SYNM: variants seen among roughly 807,000 people sequenced by gnomAD.
SYNM encodes desmuslin.
In SYNM, 95 loss-of-function variants were observed where a neutral mutation model predicts 104.0. The observed-to-expected ratio is 0.91, with a 90% CI of 0.77 to 1.08. The LOEUF is 1.08. Among genes scored for constraint, SYNM ranks in the 50% least tolerant of loss-of-function variants. The pLI is 0.00. For synonymous variants in SYNM, 918 were observed against 869.0 expected, an observed-to-expected ratio of 1.06 and a Z score of -0.99; for missense variants, 2,150 against 2,052.2, an observed-to-expected ratio of 1.05 and a Z score of -0.92.
Position 99,105,559 on chromosome 15 carries a change from G to A in SYNM, c.360G>A (p.Leu120=), listed in dbSNP as rs2067225713. 2.5e-6 allele frequency: 3 copies of A among 1,184,712 alleles called. No individual in the cohort carries two copies. The highest frequency in any genetic ancestry group is 3.1e-6 in the Non-Finnish European group (3 of 960,658). The allele number at this position is 1,184,712 out of a possible 1,614,324, so 73.4% of individuals were successfully genotyped here. A position where few individuals can be genotyped will look rare whatever the true frequency, so the allele number is the denominator to read the frequency against. Residue 120 remains leucine, a synonymous_variant, in exon 1 of 4, where the codon CTG becomes CTA. Transcript: ENST00000336292. ...AGCTGGGTGCGCAGCAGCGCGAGCT[G>A]CAGGAGGCGCTGGGCGCGCGCGCCG... ...DAELGAQQRE[L]QEALGARAAL... is the part of the protein sequence containing the mutation.
At chr15:99,108,274 A>AT (rs34993660) in intron 1 of SYNM, among the ~76,000 whole-genome samples, 5,666 of 149,196 alleles carry the variant, frequency 0.038, 259 homozygotes, top group African/African-American at 0.11. Context: ...GTGCCCGGCC[A>AT]TTTTTTTTTT....
intron 3 of SYNM, 191 bp from the exon 4 acceptor site, chr15:99,129,176 T>C: frequency 1.4e-6 from 1 of 739,126 alleles, no homozygotes; most frequent in Non-Finnish European, 2.1e-6. Flanking sequence ...TACATTTTAT[T>C]GTAACAGGAT....
At chr15:99,137,935 T>G, downstream of SYNM, 1 of 1,579,670 alleles carries the variant, frequency 6.3e-7, no homozygotes, top group Non-Finnish European at 8.6e-7. Flanking sequence ...TTCCATTTTC[T>G]AGGCGGAGGT....
downstream of SYNM, among the ~76,000 whole-genome samples, chr15:99,138,317 TA>T (rs2067780300): frequency 6.6e-6 from 1 of 151,970 alleles, no homozygotes; most frequent in Admixed American, 6.6e-5. Flanking sequence ...TTTATTTTTT[TA>T]ATTTTTTTTT....
At chr15:99,127,233 GGGAATA>G (rs1252514100) in intron 3 of SYNM, among the ~76,000 whole-genome samples, 1 of 152,146 alleles carries the variant, frequency 6.6e-6, no homozygotes, top group African/African-American at 2.4e-5. Context: ...GAAGAGAGAT[GGGAATA>G]GTTACATTGT....
chr15:99,113,491 C>T, intron 1 of SYNM, 100 bp from the exon 2 acceptor site: 2 of 1,494,614 alleles, frequency 1.3e-6, no homozygotes, highest in South Asian at 1.2e-5. Flanking sequence ...TGCTAATAAC[C>T]CTGGTCTGTT....
chr15:99,105,908 C>G lies in SYNM; in HGVS notation c.709C>G (p.Leu237Val). The G allele has an allele frequency of 1.3e-6, 2 of 1,533,352 alleles. No individual in the cohort carries two copies. Among genetic ancestry groups the G allele is most frequent in the Non-Finnish European group, 1.7e-6 (2 of 1,144,462 alleles). 95.0% of individuals were successfully genotyped at this position (1,533,352 alleles called of 1,614,324 possible). A position where few individuals can be genotyped will look rare whatever the true frequency, so the allele number is the denominator to read the frequency against. The change falls in exon 1 of 4, where the codon CTG becomes GTG. Residue 237 changes from leucine to valine, a missense_variant. Coordinates refer to ENST00000336292, the MANE Select transcript of SYNM (RefSeq NM_145728.3). The stretch of plus-strand genomic sequence containing the variant: ...GCTGTGCGCGCAGGAGGCAGAGGCG[C>G]TGCGGCGCGAGGCGCTCGGGTTGGA... Reference protein sequence around the residue: ...TRLCAQEAEALRREALGLEQL... With the variant: ...TRLCAQEAEAVRREALGLEQL...
chr15:99,129,917 G>A lies in SYNM; in HGVS notation c.1557G>A (p.Lys519=), dbSNP rs781959876. The change falls in exon 4 of 4, where the codon AAG becomes AAA. Residue 519 remains lysine (K), a synonymous_variant. Transcript: ENST00000336292. ...ACAGACCAGAAACCATCCGAACAAA[G>A]CCAGAAGAGAAAATGTTCGATTCTA... The part of the protein sequence containing the change: ...ERNRPETIRT[K]PEEKMFDSKE... The A allele has an allele frequency of 2.2e-5, 36 of 1,612,372 alleles. No individual in the cohort carries two copies. The highest frequency in any genetic ancestry group is 1.6e-4 in the Middle Eastern group (1 of 6,084).
chr15:99,109,175 T>C (rs2067277401), intron 1 of SYNM, among the ~76,000 whole-genome samples: 1 of 152,174 alleles, frequency 6.6e-6, no homozygotes, highest in Non-Finnish European at 1.5e-5. Context: ...GCGCCTTCAC[T>C]GTATGAGGCG....
Position 99,132,324 on chromosome 15 carries a change from C to T in SYNM, c.3964C>T (p.Gln1322Ter), listed in dbSNP as rs1555486098. 1 of 1,612,938 alleles carries T rather than the reference C, an allele frequency of 6.2e-7. No homozygotes were observed. The highest frequency in any genetic ancestry group is 1.1e-5 in the South Asian group (1 of 91,052). The change falls in exon 4 of 4, where the codon CAG becomes TAG. Residue 1322 changes from glutamine (Q) to a stop codon, truncating the protein, a stop_gained. Coordinates refer to ENST00000336292, the MANE Select transcript of SYNM (RefSeq NM_145728.3). LOFTEE classifies it high-confidence loss of function. ...SIGPQRHQTT[Q>*]QIVYHGLVPQ... The stretch of plus-strand genomic sequence containing the variant: ...TGGGCCTCAGAGGCATCAGACCACC[C>T]AGCAGATAGTTTACCATGGGCTGGT...
At chr15:99,126,814 G>C in intron 3 of SYNM, 22 bp downstream of exon 3, 2 of 1,553,212 alleles carry the variant, frequency 1.3e-6, no homozygotes, top group Non-Finnish European at 1.7e-6. Context: ...CTAATGACTT[G>C]ACTTAGCTTT....
Position 99,135,263 on chromosome 15 carries a change from G to A in SYNM, c.*2205G>A, listed in dbSNP as rs974308186. 4 of 152,634 alleles carry A rather than the reference G, an allele frequency of 2.6e-5. No individual in the cohort carries two copies. The highest frequency in any genetic ancestry group is 6.5e-5 in the Admixed American group (1 of 15,282). The allele number at this position is 152,634 out of a possible 1,614,324, so 9.5% of individuals were successfully genotyped here. On this transcript the variant is annotated 3_prime_UTR_variant, in exon 4 of 4. Transcript: ENST00000336292. ...TTGTTGGTTGCTAAATGTGAATCAC[G>A]CGGGAGTGAGTGTGCCCTTCACACT...
At chr15:99,128,467 T>G (rs2067467525) in intron 3 of SYNM, among the ~76,000 whole-genome samples, 1 of 152,348 alleles carries the variant, frequency 6.6e-6, no homozygotes, top group African/African-American at 2.4e-5. Context: ...TGTCCTGGCC[T>G]GGTCTCTTTC....
downstream of SYNM, among the ~76,000 whole-genome samples, chr15:99,138,880 C>T (rs533095708): frequency 5.3e-5 from 8 of 152,330 alleles, no homozygotes; most frequent in Non-Finnish European, 7.3e-5. Context: ...AGGCCCTCCA[C>T]GGCAGAGCGC....
At chr15:99,111,702 C>T (rs902535738) in intron 1 of SYNM, among the ~76,000 whole-genome samples, 5 of 152,156 alleles carry the variant, frequency 3.3e-5, no homozygotes, top group African/African-American at 9.7e-5. Context: ...AGAAATAGAA[C>T]TGTTATGAGA....
chr15:99,107,210 G>A (rs2067254293), intron 1 of SYNM, among the ~76,000 whole-genome samples: 1 of 152,172 alleles, frequency 6.6e-6, no homozygotes, highest in South Asian at 2.1e-4. Context: ...TGTTCTCTTG[G>A]GGCTTTGCCA....
At chr15:99,108,622 T>C (rs977937889) in intron 1 of SYNM, among the ~76,000 whole-genome samples, 24 of 152,170 alleles carry the variant, frequency 1.6e-4, no homozygotes, top group African/African-American at 5.8e-4. Flanking sequence ...CAGATGCCCT[T>C]CACAAATATT....
rs782381550 is a variant in SYNM at position 99,130,059 on chromosome 15, C to T, written c.1699C>T (p.Pro567Ser). ...GGAGAAGGCTAAGGAGAAGGACTCA[C>T]CGAAGGAGAAGAGCGTGCGAGAGAG... ...MKEKAKEKDSPKEKSVREREV... is the reference protein window; with the variant it reads ...MKEKAKEKDSSKEKSVREREV... The change falls in exon 4 of 4, where the codon CCG becomes TCG. Residue 567 changes from proline to serine, a missense_variant. Pro to Ser is a moderately conservative substitution (Grantham distance 74). Coordinates refer to ENST00000336292, the MANE Select transcript of SYNM (RefSeq NM_145728.3). The T allele has an allele frequency of 2.9e-5, 46 of 1,613,898 alleles. No individual in the cohort carries two copies. The highest frequency in any genetic ancestry group is 3.6e-5 in the Non-Finnish European group (43 of 1,179,868).
Position 99,132,994 on chromosome 15 carries a change from A to G in SYNM, c.4634A>G (p.Glu1545Gly), listed in dbSNP as rs2067529121. 6.2e-7 allele frequency: 1 copy of G among 1,613,794 alleles called. No individual in the cohort carries two copies. The highest frequency in any genetic ancestry group is 8.5e-7 in the Non-Finnish European group (1 of 1,179,890). ...MVDQRSVISD[E>G]KKVALLYLDN... ...GACCAAAGGTCGGTGATTTCAGATG[A>G]AAAGAAAGTTGCCCTCCTCTATCTA... Residue 1545 changes from glutamate to glycine, a missense_variant, in exon 4 of 4, where the codon GAA (glutamate) becomes GGA (glycine). Coordinates refer to ENST00000336292, the MANE Select transcript of SYNM (RefSeq NM_145728.3).
Sources: allele counts gnomAD v4.1 joint callset (sites outside exome capture counted in the v4.1 genomes callset), GRCh38; gene constraint gnomAD v4.1.1; transcripts MANE v1.5; gene names NCBI Gene and HGNC (gene_info 2026-07-23, HGNC 2026-07-21).